NTN1: variants seen among roughly 807,000 people sequenced by gnomAD.
NTN1 encodes the protein netrin 1.
A neutral mutation model predicts 54.2 loss-of-function variants in NTN1; 11 were observed. That is an observed-to-expected ratio of 0.20 (90% CI 0.13 to 0.34). The LOEUF (loss-of-function observed/expected upper bound fraction) is 0.34, where lower values mean the gene tolerates loss of function less well. NTN1 is among the 10% of genes least tolerant of loss of function. The pLI is 1.00. For missense variants in NTN1, 740 were observed against 893.1 expected (o/e 0.83, Z 2.18); for synonymous variants, 371 against 382.0 (o/e 0.97, Z 0.33).
intron 2 of NTN1, among the ~76,000 whole-genome samples, chr17:9,046,388 A>G (rs1456541247): frequency 6.6e-6 from 1 of 152,218 alleles, no homozygotes; most frequent in East Asian, 1.9e-4. Flanking sequence ...AAAGAAAGGT[A>G]ATAACAAGTG....
chr17:9,160,008 G>A (rs2092352952), intron 2 of NTN1, among the ~76,000 whole-genome samples: 1 of 152,176 alleles, frequency 6.6e-6, no homozygotes, highest in South Asian at 2.1e-4. Context: ...ACGACCTATA[G>A]GTGCCCAACC....
At chr17:9,118,925 A>G (rs1174339131) in intron 2 of NTN1, among the ~76,000 whole-genome samples, 8 of 152,064 alleles carry the variant, frequency 5.3e-5, no homozygotes, top group African/African-American at 1.9e-4. Context: ...AGTTGTTTCC[A>G]TTTCTTTGCC....
At chr17:9,011,041 A>G in the NTN1 span, among the ~76,000 whole-genome samples, 3 of 151,970 alleles carry the variant, frequency 2.0e-5, no homozygotes, top group Non-Finnish European at 4.4e-5. Context: ...CTTATAAGGA[A>G]TGTGCAGCCT....
chr17:9,199,543 C>G (rs943091845), intron 5 of NTN1, among the ~76,000 whole-genome samples: 3 of 152,272 alleles, frequency 2.0e-5, no homozygotes, highest in Non-Finnish European at 4.4e-5. Context: ...TCACATGGCT[C>G]TGCCATCTTC....
At chr17:9,096,718 C>T (rs1467296565) in intron 2 of NTN1, among the ~76,000 whole-genome samples, 1 of 152,008 alleles carries the variant, frequency 6.6e-6, no homozygotes, top group Non-Finnish European at 1.5e-5. Context: ...TCTTTTCTGC[C>T]ATTCATTCTC....
intron 6 of NTN1, among the ~76,000 whole-genome samples, chr17:9,230,863 G>T (rs1905786844): frequency 6.6e-6 from 1 of 152,014 alleles, no homozygotes; most frequent in African/African-American, 2.4e-5. Context: ...TGAGCATCCT[G>T]TTTTTAGGAA....
intron 5 of NTN1, among the ~76,000 whole-genome samples, chr17:9,191,991 A>T (rs927470924): frequency 6.7e-6 from 1 of 149,844 alleles, no homozygotes; most frequent in Non-Finnish European, 1.5e-5. Context: ...AAAAAAAAGT[A>T]TTAGAGATTA....
At position 9,197,298 on chromosome 17, in the gene NTN1, C is replaced by T. The variant is rs77757784; in HGVS notation, c.1411+14329C>T. On this transcript the variant is annotated intron_variant, in intron 5 of 6. Coordinates refer to ENST00000173229, the MANE Select transcript of NTN1 (RefSeq NM_004822.3). ...CGGTCCTTCAAGTAGACCATCCTTTCAAGCAGGAAGCTATGGAGTGACACA... is the reference window on the plus strand; with the variant it reads ...CGGTCCTTCAAGTAGACCATCCTTTTAAGCAGGAAGCTATGGAGTGACACA... 6.7e-3 allele frequency among the ~76,000 whole-genome samples: 1,019 copies of T among 152,134 alleles called. 6 individuals carry two copies. The highest frequency in any genetic ancestry group is 0.011 in the Non-Finnish European group (755 of 68,000).
Position 9,100,375 on chromosome 17 carries a change from C to T in NTN1, c.1019-62438C>T, listed in dbSNP as rs577524083. Among the ~76,000 whole-genome samples the T allele has an allele frequency of 2.6e-5, 4 of 152,242 alleles. No homozygotes were observed. In the East Asian group the frequency reaches 5.8e-4, roughly 22 times the overall value. ...TGCAGTGGCACGATCTCGGCTCACT[C>T]CAAGCTCCACCTCCCAGGTTCAAGT... is the stretch of plus-strand genomic sequence containing the variant. On this transcript the variant is annotated intron_variant, in intron 2 of 6. Coordinates refer to ENST00000173229, the MANE Select transcript of NTN1 (RefSeq NM_004822.3).
chr17:9,229,414 T>A (rs1344818369), intron 6 of NTN1, among the ~76,000 whole-genome samples: 2 of 58,356 alleles, frequency 3.4e-5, no homozygotes, highest in Non-Finnish European at 6.3e-5. Context: ...AGGGAGGGAT[T>A]TTCATTCCTG....
chr17:9,205,593 A>G (rs1371692572), intron 5 of NTN1, among the ~76,000 whole-genome samples: 1 of 152,270 alleles, frequency 6.6e-6, no homozygotes, highest in African/African-American at 2.4e-5. Flanking sequence ...TCTGCGCTCC[A>G]GCTGGGGTGA....
At position 9,072,283 on chromosome 17, in the gene NTN1, C is replaced by T. The variant is rs532604528; in HGVS notation, c.1018+48892C>T. On this transcript the variant is annotated intron_variant, in intron 2 of 6. Coordinates refer to ENST00000173229, the MANE Select transcript of NTN1 (RefSeq NM_004822.3). ...TTTTTTTTCAAGCGGGCACCACACC[C>T]GTGGACTGTCTGCCAAGAAGGACCA... Among the ~76,000 whole-genome samples the T allele has an allele frequency of 9.2e-5, 14 of 151,504 alleles. No homozygotes were observed. The South Asian group carries it at 2.3e-3, about 25-fold the overall frequency.
chr17:9,012,592 C>T, the NTN1 span, among the ~76,000 whole-genome samples: 3 of 152,056 alleles, frequency 2.0e-5, no homozygotes, highest in Non-Finnish European at 4.4e-5. Flanking sequence ...TTCCCTCTGC[C>T]TGAATGTACC....
chr17:9,004,145 G>T, the NTN1 span, among the ~76,000 whole-genome samples: 2 of 152,226 alleles, frequency 1.3e-5, no homozygotes, highest in Non-Finnish European at 2.9e-5. Context: ...AGGCGCGGAC[G>T]GCGGAGCTGG....
chr17:9,166,552 G>C (rs555717234), intron 3 of NTN1, among the ~76,000 whole-genome samples: 5 of 152,064 alleles, frequency 3.3e-5, no homozygotes, highest in Non-Finnish European at 7.4e-5. Flanking sequence ...ATGTTGGCCA[G>C]GCTGGTCTCG....
At chr17:9,154,442 CG>C (rs539235790) in intron 2 of NTN1, among the ~76,000 whole-genome samples, 293 of 152,328 alleles carry the variant, frequency 1.9e-3, no homozygotes, top group Non-Finnish European at 3.5e-3. Flanking sequence ...TATGTATGAT[CG>C]TTTCTCTTAT....
intron 2 of NTN1, among the ~76,000 whole-genome samples, chr17:9,157,080 C>T (rs1209378199): frequency 1.3e-5 from 2 of 152,038 alleles, no homozygotes; most frequent in African/African-American, 4.8e-5. Flanking sequence ...CATCTATCTT[C>T]TCTCTTGTTT....
chr17:9,071,249 C>G (rs1397305569), intron 2 of NTN1, among the ~76,000 whole-genome samples: 1 of 150,170 alleles, frequency 6.7e-6, no homozygotes, highest in African/African-American at 2.4e-5. Flanking sequence ...CGTGTGAACA[C>G]TGATAACCTC....
At chr17:9,155,529 C>T (rs536847170) in intron 2 of NTN1, among the ~76,000 whole-genome samples, 44 of 152,060 alleles carry the variant, frequency 2.9e-4, no homozygotes, top group African/African-American at 9.2e-4. Flanking sequence ...TTAGTAGAGA[C>T]GGGGTTTCTC....
Sources: allele counts gnomAD v4.1 joint callset (sites outside exome capture counted in the v4.1 genomes callset), GRCh38; gene constraint gnomAD v4.1.1; transcripts MANE v1.5; gene names NCBI Gene and HGNC (gene_info 2026-07-23, HGNC 2026-07-21).